The following GRM8 variants were observed in gnomAD, a reference collection of about 807,000 sequenced individuals.
GRM8 encodes metabotropic glutamate receptor 8.
Under a neutral mutation model 87.2 loss-of-function variants are expected in GRM8, and 47 were observed. The observed-to-expected ratio is 0.54, with a 90% CI of 0.43 to 0.69. The LOEUF is 0.69. Among genes scored for constraint, GRM8 ranks in the 30% least tolerant of loss-of-function variants. The pLI is 0.00. For synonymous variants in GRM8, 396 were observed against 404.5 expected, an observed-to-expected ratio of 0.98 and a Z score of 0.25; for missense variants, 1,019 against 1,139.2, an observed-to-expected ratio of 0.89 and a Z score of 1.52.
intron 3 of GRM8, among the ~76,000 whole-genome samples, chr7:127,047,701 C>T (rs1819073334): frequency 6.6e-6 from 1 of 152,090 alleles, no homozygotes; most frequent in Non-Finnish European, 1.5e-5. Flanking sequence ...CATGGTGATT[C>T]ATACCTATAG....
At chr7:127,046,219 A>G (rs1360851043) in intron 3 of GRM8, among the ~76,000 whole-genome samples, 3 of 152,068 alleles carry the variant, frequency 2.0e-5, no homozygotes, top group African/African-American at 7.2e-5. Flanking sequence ...AAAATACAAA[A>G]AAATTAGCCA....
chr7:126,776,150 A>G (rs925634947), intron 6 of GRM8, among the ~76,000 whole-genome samples: 3 of 152,232 alleles, frequency 2.0e-5, no homozygotes, highest in African/African-American at 7.2e-5. Context: ...ATCAATATTT[A>G]AAATTATTGC....
intron 6 of GRM8, among the ~76,000 whole-genome samples, chr7:126,780,179 T>C (rs1038096913): frequency 1.3e-5 from 2 of 152,182 alleles, no homozygotes; most frequent in African/African-American, 2.4e-5. Context: ...AGTTCTGTGA[T>C]TGAGACCAAC....
intron 3 of GRM8, among the ~76,000 whole-genome samples, chr7:126,975,430 C>T (rs1046043878): frequency 2.0e-5 from 3 of 152,140 alleles, no homozygotes; most frequent in Admixed American, 2.0e-4. Flanking sequence ...CAGGACGTGG[C>T]CCTAGTAGGC....
At chr7:127,197,488 G>A (rs1795348565) in intron 2 of GRM8, among the ~76,000 whole-genome samples, 1 of 151,860 alleles carries the variant, frequency 6.6e-6, no homozygotes, top group Non-Finnish European at 1.5e-5. Context: ...TTCCTACTGT[G>A]CTTCACAACT....
intron 8 of GRM8, among the ~76,000 whole-genome samples, chr7:126,581,076 G>T (rs920902945): frequency 4.6e-5 from 7 of 151,956 alleles, no homozygotes; most frequent in Non-Finnish European, 7.4e-5. Flanking sequence ...TCTGAGGAAG[G>T]CTTTGAGAAA....
intron 8 of GRM8, among the ~76,000 whole-genome samples, chr7:126,587,343 T>C (rs1248529488): frequency 1.3e-5 from 2 of 152,116 alleles, no homozygotes; most frequent in African/African-American, 4.8e-5. Context: ...ACCCAAAGGA[T>C]TATAAATCAT....
intron 6 of GRM8, among the ~76,000 whole-genome samples, chr7:126,839,398 G>A (rs1796075096): frequency 6.6e-6 from 1 of 152,132 alleles, no homozygotes; most frequent in South Asian, 2.1e-4. Flanking sequence ...ATATTGAGAA[G>A]CAGTGCTTTG....
At chr7:127,140,036 ACT>A (rs1358416524) in intron 2 of GRM8, among the ~76,000 whole-genome samples, 6 of 152,002 alleles carry the variant, frequency 3.9e-5, no homozygotes, top group Non-Finnish European at 7.4e-5. Context: ...TAGGCTATTT[ACT>A]CTCTAGTCAA....
intron 6 of GRM8, among the ~76,000 whole-genome samples, chr7:126,898,595 T>C (rs1362622913): frequency 1.3e-5 from 2 of 152,184 alleles, no homozygotes; most frequent in African/African-American, 2.4e-5. Context: ...CAAATTGTTA[T>C]AATTTTAGCA....
At chr7:127,197,567 A>G (rs7791345) in intron 2 of GRM8, among the ~76,000 whole-genome samples, 101,754 of 151,474 alleles carry the variant, frequency 0.67, 35,173 homozygotes, top group African/African-American at 0.76. Context: ...AGTTTCTTTC[A>G]TCTCTTTCAA....
chr7:127,118,426 T>C (rs749305304), intron 2 of GRM8, among the ~76,000 whole-genome samples: 4 of 152,224 alleles, frequency 2.6e-5, no homozygotes, highest in African/African-American at 7.2e-5. Context: ...CCTAAACAAA[T>C]TGATTAGCCC....
At chr7:126,883,109 A>C (rs1308382481) in intron 6 of GRM8, among the ~76,000 whole-genome samples, 2 of 152,170 alleles carry the variant, frequency 1.3e-5, no homozygotes, top group African/African-American at 4.8e-5. Flanking sequence ...GTCATTTCTG[A>C]TTGGCCTCCA....
intron 8 of GRM8, among the ~76,000 whole-genome samples, chr7:126,584,729 G>T (rs529530539): frequency 2.0e-5 from 3 of 151,988 alleles, no homozygotes; most frequent in African/African-American, 7.2e-5. Context: ...CCCAAATAAC[G>T]TTTGTCGTTT....
intron 6 of GRM8, among the ~76,000 whole-genome samples, chr7:126,817,497 T>C (rs1314614435): frequency 1.3e-5 from 2 of 152,150 alleles, no homozygotes; most frequent in Non-Finnish European, 2.9e-5. Context: ...AATAATTTAC[T>C]TGAGGGGTGA....
At chr7:127,233,917 C>A (rs1268346813) in intron 2 of GRM8, among the ~76,000 whole-genome samples, 1 of 152,168 alleles carries the variant, frequency 6.6e-6, no homozygotes, top group African/African-American at 2.4e-5. Flanking sequence ...ATTCAAGATA[C>A]ATAAAGATTA....
chr7:127,247,571 A>T (rs182681470), intron 1 of GRM8, among the ~76,000 whole-genome samples: 108 of 152,102 alleles, frequency 7.1e-4, no homozygotes, highest in Non-Finnish European at 1.2e-3. Flanking sequence ...ATATGTGTGC[A>T]TGTCTATGGA....
At chr7:127,127,513 A>C (rs1563530845) in intron 2 of GRM8, among the ~76,000 whole-genome samples, 1 of 152,074 alleles carries the variant, frequency 6.6e-6, no homozygotes, top group Non-Finnish European at 1.5e-5. Context: ...TATTATACTG[A>C]GCAATAAAAG....
intron 9 of GRM8, among the ~76,000 whole-genome samples, chr7:126,452,865 T>G (rs1380934038): frequency 1.3e-5 from 2 of 151,730 alleles, no homozygotes; most frequent in Admixed American, 1.3e-4. Flanking sequence ...TTTCATAGAC[T>G]TAAATCAAAG....
Sources: allele counts gnomAD v4.1 joint callset (sites outside exome capture counted in the v4.1 genomes callset), GRCh38; gene constraint gnomAD v4.1.1; transcripts MANE v1.5; gene names NCBI Gene and HGNC (gene_info 2026-07-23, HGNC 2026-07-21).